Variants in MAGEB1 observed in about 807,000 individuals in gnomAD.
The protein encoded by MAGEB1 is MAGE family member B1, also known as melanoma-associated antigen B1.
For synonymous variants in MAGEB1, 99 were observed against 105.7 expected, an observed-to-expected ratio of 0.94 and a Z score of 0.39; for missense variants, 290 against 286.7, an observed-to-expected ratio of 1.01 and a Z score of -0.08.
chrX:30,250,341 C>T (rs917222179), intron 1 of MAGEB1, 93 bp from the exon 2 acceptor site: 2 of 483,949 alleles, frequency 4.1e-6, no homozygotes, highest in Non-Finnish European at 3.5e-6. Context: ...TAGAGCAATG[C>T]CCTCAAGAAA....
In MAGEB1 at chrX:30,251,834, A is replaced by C. The variant is rs1601969727; in HGVS notation, c.*297A>C. The C allele has an allele frequency of 4.0e-6, 1 of 248,978 alleles. No homozygotes were observed. The highest frequency in any genetic ancestry group is 7.5e-6 in the Non-Finnish European group (1 of 134,047). The allele number at this position is 248,978 out of a possible 1,213,427, so 20.5% of individuals were successfully genotyped here. A position where few individuals can be genotyped will look rare whatever the true frequency, so the allele number is the denominator to read the frequency against. Reference sequence around the variant, plus strand: ...TTTTTGGGTTGAAGAAGAAGAAAGCATAGCTTTAGAATAGAGATTTTCTCA... The same window carrying C: ...TTTTTGGGTTGAAGAAGAAGAAAGCCTAGCTTTAGAATAGAGATTTTCTCA... On this transcript the variant is annotated 3_prime_UTR_variant, in exon 2 of 2. Coordinates refer to ENST00000397548, the MANE Select transcript of MAGEB1 (RefSeq NM_177404.3).
chrX:30,250,318 C>G (rs956127261), intron 1 of MAGEB1, 116 bp from the exon 2 acceptor site: 60 of 442,887 alleles, frequency 1.4e-4, no homozygotes, highest in Non-Finnish European at 1.5e-5. Context: ...GCAACAAGAA[C>G]CCAGTGGGTT....
upstream of MAGEB1, among the ~76,000 whole-genome samples, chrX:30,244,740 T>G (rs1164261854): frequency 1.8e-5 from 2 of 111,805 alleles, no homozygotes; most frequent in Non-Finnish European, 3.8e-5. Context: ...AATGAAAAAT[T>G]GCCTTTAACA....
At chrX:30,249,551 A>G (rs1925435064) in intron 1 of MAGEB1, among the ~76,000 whole-genome samples, 1 of 111,826 alleles carries the variant, frequency 8.9e-6, no homozygotes, top group Non-Finnish European at 1.9e-5. Context: ...CAGGAGTCAA[A>G]CTGGAGACCT....
In MAGEB1 at chrX:30,251,789, T is replaced by G; in HGVS notation, c.*252T>G. On this transcript the variant is annotated 3_prime_UTR_variant, in exon 2 of 2. Transcript: ENST00000397548. ...AGCATATGAGTTTTGATATTCTATA[T>G]TTTTCAAATCCTTGAATCTTTTTTG... 3.2e-6 allele frequency: 1 copy of G among 313,865 alleles called. No individual in the cohort carries two copies. Among genetic ancestry groups the G allele is most frequent in the Non-Finnish European group, 5.7e-6 (1 of 173,947 alleles). The allele number at this position is 313,865 out of a possible 1,213,427, so 25.9% of individuals were successfully genotyped here.
At chrX:30,250,368 C>G (rs1032817849) in intron 1 of MAGEB1, 66 bp from the exon 2 acceptor site, 1 of 581,893 alleles carries the variant, frequency 1.7e-6, no homozygotes, top group African/African-American at 2.3e-5. Flanking sequence ...AGAAGTGGCT[C>G]TCTAAAAGCC....
intron 1 of MAGEB1, among the ~76,000 whole-genome samples, chrX:30,247,761 G>A (rs939598727): frequency 4.5e-5 from 5 of 110,095 alleles, no homozygotes; most frequent in Admixed American, 9.5e-5. Context: ...TGGCTAACAC[G>A]GTGAAACCCC....
At chrX:30,245,429 C>T (rs1473120640), upstream of MAGEB1, among the ~76,000 whole-genome samples, 2 of 111,850 alleles carry the variant, frequency 1.8e-5, no homozygotes, top group Admixed American at 9.4e-5. Context: ...TTATCAAGCT[C>T]ATTTCACAGA....
Position 30,251,452 on chromosome X carries a change from G to T in MAGEB1, c.959G>T (p.Ser320Ile). 8.3e-7 allele frequency: 1 copy of T among 1,211,976 alleles called. No homozygotes were observed. Among genetic ancestry groups the T allele is most frequent in the Non-Finnish European group, 1.1e-6 (1 of 895,555 alleles). ...DEEERAQVRS[S>I]VRARRRTTAT... is the part of the protein sequence containing the mutation. The stretch of plus-strand genomic sequence containing the variant: ...GAAGAGAGAGCCCAAGTCCGATCCA[G>T]TGTTAGAGCCAGGCGTCGCACTACT... Residue 320 changes from serine (S) to isoleucine (I), a missense_variant, in exon 2 of 2, where the codon AGT becomes ATT. Coordinates refer to ENST00000397548, the MANE Select transcript of MAGEB1 (RefSeq NM_177404.3).
chrX:30,245,084 T>C (rs1925267064), upstream of MAGEB1, among the ~76,000 whole-genome samples: 1 of 111,400 alleles, frequency 9.0e-6, no homozygotes, highest in Admixed American at 9.5e-5. Flanking sequence ...AAGACTGGTT[T>C]GGATGAAAGG....
intron 1 of MAGEB1, among the ~76,000 whole-genome samples, chrX:30,248,680 A>C (rs1288250914): frequency 9.0e-6 from 1 of 111,424 alleles, no homozygotes; most frequent in Non-Finnish European, 1.9e-5. Flanking sequence ...AGTCTCACTC[A>C]CTTCTTCCTA....
chrX:30,251,853 T>A lies in MAGEB1; in HGVS notation c.*316T>A, dbSNP rs958470107. On this transcript the variant is annotated 3_prime_UTR_variant, in exon 2 of 2. Coordinates refer to ENST00000397548, the MANE Select transcript of MAGEB1 (RefSeq NM_177404.3). ...GAAAGCATAGCTTTAGAATAGAGAT[T>A]TTCTCAGAAATGTGTGAAAGAACCT... is the stretch of plus-strand genomic sequence containing the variant. 4.7e-6 allele frequency: 1 copy of A among 214,469 alleles called. No homozygotes were observed. Among genetic ancestry groups the A allele is most frequent in the Non-Finnish European group, 9.0e-6 (1 of 111,257 alleles). The allele number at this position is 214,469 out of a possible 1,213,427, so 17.7% of individuals were successfully genotyped here. A position where few individuals can be genotyped will look rare whatever the true frequency, so the allele number is the denominator to read the frequency against.
Position 30,251,303 on chromosome X carries a change from C to A in MAGEB1, c.810C>A (p.Phe270Leu). Residue 270 changes from phenylalanine to leucine, a missense_variant, in exon 2 of 2, where the codon TTC (phenylalanine) becomes TTA (leucine). Coordinates refer to ENST00000397548, the MANE Select transcript of MAGEB1 (RefSeq NM_177404.3). Reference sequence around the variant, plus strand: ...ACAGTGATCCCCCACGCTATCAATTCCTATGGGGTCCGAGAGCCTATGCTG... The same window carrying A: ...ACAGTGATCCCCCACGCTATCAATTACTATGGGGTCCGAGAGCCTATGCTG... Reference protein sequence around the residue: ...VPNSDPPRYQFLWGPRAYAET... With the variant: ...VPNSDPPRYQLLWGPRAYAET... 1 of 1,211,759 alleles carries A rather than the reference C, an allele frequency of 8.3e-7. No homozygotes were observed. Among genetic ancestry groups the A allele is most frequent in the Non-Finnish European group, 1.1e-6 (1 of 895,486 alleles).
chrX:30,249,013 G>A (rs771384978), intron 1 of MAGEB1, among the ~76,000 whole-genome samples: 3 of 111,160 alleles, frequency 2.7e-5, no homozygotes, highest in African/African-American at 6.6e-5. Flanking sequence ...AGAGAGTGGG[G>A]CTTCACCAAG....
rs536797841 is a variant in MAGEB1 at position 30,251,240 on chromosome X, G to A, written c.747G>A (p.Leu249=). 17 of 1,210,580 alleles carry A rather than the reference G, an allele frequency of 1.4e-5. No individual in the cohort carries two copies. The Middle Eastern group carries it at 6.9e-4, about 49-fold the overall frequency. Residue 249 remains leucine (L), a synonymous_variant, in exon 2 of 2, where the codon CTG becomes CTA. Coordinates refer to ENST00000397548, the MANE Select transcript of MAGEB1 (RefSeq NM_177404.3). ...CCCGTAAGTTCATCACCCAAGATCTGGTGCAGGAAAAATATCTGAAGTACG... is the reference window on the plus strand; with the variant it reads ...CCCGTAAGTTCATCACCCAAGATCTAGTGCAGGAAAAATATCTGAAGTACG... The part of the protein sequence containing the change: ...GEPRKFITQD[L]VQEKYLKYEQ...
rs1008731556 is a variant in MAGEB1 at position 30,251,880 on chromosome X, A to G, written c.*343A>G. The stretch of plus-strand genomic sequence containing the variant: ...TCTCAGAAATGTGTGAAAGAACCTC[A>G]CACAACATAATTGGAGTCTTAAAAT... On this transcript the variant is annotated 3_prime_UTR_variant, in exon 2 of 2. Coordinates refer to ENST00000397548, the MANE Select transcript of MAGEB1 (RefSeq NM_177404.3). 6.0e-5 allele frequency: 11 copies of G among 183,625 alleles called. No homozygotes were observed. The highest frequency in any genetic ancestry group is 3.0e-4 in the African/African-American group (10 of 33,198). The allele number at this position is 183,625 out of a possible 1,213,427, so 15.1% of individuals were successfully genotyped here.
At chrX:30,245,513 T>C (rs1450473702), upstream of MAGEB1, among the ~76,000 whole-genome samples, 1 of 111,717 alleles carries the variant, frequency 9.0e-6, no homozygotes, top group Admixed American at 9.5e-5. Flanking sequence ...GGGCTGGAAC[T>C]AGACTGCTGG....
rs1241967167 is a variant in MAGEB1, at chrX:30,250,463, T to G, written c.-31T>G. The stretch of plus-strand genomic sequence containing the variant: ...CACATCTCCTGCCTTTCTGCTCACT[T>G]TCCTGCCTGTTTTGCCTGACCACAG... On this transcript the variant is annotated 5_prime_UTR_variant, in exon 2 of 2. Coordinates refer to ENST00000397548, the MANE Select transcript of MAGEB1 (RefSeq NM_177404.3). The G allele has an allele frequency of 8.8e-7, 1 of 1,132,423 alleles. No homozygotes were observed. Among genetic ancestry groups the G allele is most frequent in the East Asian group, 3.0e-5 (1 of 32,989 alleles). 93.3% of individuals were successfully genotyped at this position (1,132,423 alleles called of 1,213,427 possible). A position where few individuals can be genotyped will look rare whatever the true frequency, so the allele number is the denominator to read the frequency against.
At position 30,251,951 on chromosome X, in the gene MAGEB1, C is replaced by G. The variant is rs757823919; in HGVS notation, c.*414C>G. 8 of 132,920 alleles carry G rather than the reference C, an allele frequency of 6.0e-5. No homozygotes were observed. Among genetic ancestry groups the G allele is most frequent in the Non-Finnish European group, 1.2e-4 (7 of 60,105 alleles). The allele number at this position is 132,920 out of a possible 1,213,427, so 11.0% of individuals were successfully genotyped here. A position where few individuals can be genotyped will look rare whatever the true frequency, so the allele number is the denominator to read the frequency against. ...ATGTCAAGTTTTTGTTTTCTGCATT[C>G]AGTTTTGTTTTTGTAAAATCCAAAG... On this transcript the variant is annotated 3_prime_UTR_variant, in exon 2 of 2. Transcript: ENST00000397548.
Sources: gnomAD v4.1 joint callset for allele counts (sites outside exome capture counted in the v4.1 genomes callset) on GRCh38, gnomAD v4.1.1 for gene constraint, MANE v1.5 for transcripts, NCBI Gene and HGNC (gene_info 2026-07-23, HGNC 2026-07-21) for gene names.